Variants in ARID3B observed in about 807,000 individuals in gnomAD.
ARID3B encodes the protein AT-rich interaction domain 3B, also known as AT-rich interactive domain-containing protein 3B.
Under a neutral mutation model 51.9 loss-of-function variants are expected in ARID3B, and 10 were observed. The observed-to-expected ratio is 0.19, with a 90% CI of 0.12 to 0.33. The LOEUF (loss-of-function observed/expected upper bound fraction) is 0.33. ARID3B is among the 10% of genes least tolerant of loss of function. ARID3B has a pLI of 1.00. For missense variants in ARID3B, 483 were observed against 716.3 expected, an observed-to-expected ratio of 0.67 and a Z score of 3.72; for synonymous variants, 205 against 279.5, an observed-to-expected ratio of 0.73 and a Z score of 2.66.
intron 2 of ARID3B, among the ~76,000 whole-genome samples, chr15:74,572,427 A>T (rs1385682834): frequency 6.6e-6 from 1 of 152,170 alleles, no homozygotes; most frequent in Non-Finnish European, 1.5e-5. Context: ...TTTGACCCTT[A>T]TCACTTACAG....
rs1323949481 is a variant in ARID3B, at chr15:74,595,638, T to C, written c.1547T>C (p.Val516Ala). 1 of 1,613,116 alleles carries C rather than the reference T, an allele frequency of 6.2e-7. No homozygotes were observed. The highest frequency in any genetic ancestry group is 8.5e-7 in the Non-Finnish European group (1 of 1,179,446). ...GTGCTGTTTGCCCAGAAGCCTGTGG[T>C]CCACCTCATCACGGGGTCTGCTCCC... is the stretch of plus-strand genomic sequence containing the variant. ...AGVLFAQKPV[V>A]HLITGSAPQS... The change falls in exon 9 of 9, where the codon GTC (valine) becomes GCC (alanine). Residue 516 changes from valine to alanine, a missense_variant. Physicochemically the swap from Val to Ala is moderately conservative, Grantham distance 64. Coordinates refer to ENST00000346246, the MANE Select transcript of ARID3B (RefSeq NM_006465.4).
intron 4 of ARID3B, chr15:74,573,446 T>C (rs1264933775): frequency 7.3e-6 from 4 of 547,690 alleles, no homozygotes; most frequent in Non-Finnish European, 1.3e-5. Context: ...ATTTTGTCTC[T>C]TCTTCCAATT....
intron 2 of ARID3B, among the ~76,000 whole-genome samples, chr15:74,566,993 T>C (rs1325453086): frequency 6.6e-6 from 1 of 152,150 alleles, no homozygotes; most frequent in Non-Finnish European, 1.5e-5. Flanking sequence ...TAGGTGTCTA[T>C]GTACATTTGT....
At chr15:74,560,031 T>TAAAAAAAAGAAAAAAAAAAAAAA (rs2061673571) in intron 2 of ARID3B, among the ~76,000 whole-genome samples, 1 of 35,640 alleles carries the variant, frequency 2.8e-5, no homozygotes, top group Non-Finnish European at 4.5e-5. Context: ...CTGTCTCTAC[T>TAAAAAAAAGAAAAAAAAAAAAAA]AAAAAAAAAA....
intron 2 of ARID3B, among the ~76,000 whole-genome samples, chr15:74,552,472 G>A (rs2061641756): frequency 1.3e-5 from 2 of 149,500 alleles, no homozygotes; most frequent in Middle Eastern, 3.2e-3. Flanking sequence ...TGGGATTACA[G>A]GCATGAGCCA....
chr15:74,593,340 A>T (rs2061811116), intron 8 of ARID3B, 104 bp downstream of exon 8: 1 of 1,021,938 alleles, frequency 9.8e-7, no homozygotes, highest in African/African-American at 1.6e-5. Flanking sequence ...CACCTCCCAC[A>T]GTGGCTTCCT....
chr15:74,555,916 C>T (rs996032668), intron 2 of ARID3B, among the ~76,000 whole-genome samples: 2 of 151,536 alleles, frequency 1.3e-5, no homozygotes, highest in African/African-American at 2.4e-5. Context: ...CTCAGCCTCC[C>T]GAGTAGCTGA....
chr15:74,588,979 A>G (rs1303216635), intron 4 of ARID3B, among the ~76,000 whole-genome samples: 1 of 150,916 alleles, frequency 6.6e-6, no homozygotes, highest in Non-Finnish European at 1.5e-5. Context: ...TTTCTCCATC[A>G]AGCAGGAGAG....
At chr15:74,555,189 G>A (rs1742692057) in intron 2 of ARID3B, among the ~76,000 whole-genome samples, 2 of 151,976 alleles carry the variant, frequency 1.3e-5, no homozygotes, top group African/African-American at 4.8e-5. Flanking sequence ...AGCCTTCAGC[G>A]AGTTGTAATC....
chr15:74,558,593 C>T (rs1013357742), intron 2 of ARID3B, among the ~76,000 whole-genome samples: 4 of 151,856 alleles, frequency 2.6e-5, no homozygotes, highest in Non-Finnish European at 5.9e-5. Flanking sequence ...CATCTGTGTT[C>T]TTTAATCAGC....
chr15:74,590,134 C>T (rs2043631056), intron 5 of ARID3B, 131 bp downstream of exon 5: 2 of 1,107,514 alleles, frequency 1.8e-6, no homozygotes, highest in Non-Finnish European at 1.2e-6. Flanking sequence ...CAGTGGGGAG[C>T]TTTCTGAGAT....
rs2061724084 is a variant in ARID3B at position 74,572,892 on chromosome 15, G to C, written c.583G>C (p.Asp195His). The C allele has an allele frequency of 6.2e-7, 1 of 1,614,100 alleles. No individual in the cohort carries two copies. The highest frequency in any genetic ancestry group is 8.5e-7 in the Non-Finnish European group (1 of 1,180,062). The change falls in exon 3 of 9, where the codon GAT (aspartate) becomes CAT (histidine). Residue 195 changes from aspartate (D) to histidine (H), a missense_variant. Physicochemically the swap from Asp to His is moderately conservative, Grantham distance 81 (BLOSUM62 -1). Transcript: ENST00000346246. ...TGGTTTGGCCTGGAGTGATGATGCA[G>C]ATGGAGGCCGGGGAAGAGAGATCTC... is the stretch of plus-strand genomic sequence containing the variant. ...NGGLAWSDDA[D>H]GGRGREISRD...
chr15:74,549,857 G>A (rs949650092), intron 2 of ARID3B, among the ~76,000 whole-genome samples: 5 of 152,272 alleles, frequency 3.3e-5, no homozygotes, highest in Non-Finnish European at 4.4e-5. Context: ...TGCTATGGGC[G>A]TCTAGTGGGT....
chr15:74,576,961 T>C (rs2061740388), intron 4 of ARID3B, among the ~76,000 whole-genome samples: 2 of 152,222 alleles, frequency 1.3e-5, no homozygotes, highest in South Asian at 4.1e-4. Flanking sequence ...CATGAGACTC[T>C]GAAGAGCCAT....
chr15:74,582,204 G>C (rs1209035585), intron 4 of ARID3B, among the ~76,000 whole-genome samples: 2 of 149,682 alleles, frequency 1.3e-5, no homozygotes, highest in Non-Finnish European at 3.0e-5. Flanking sequence ...GTCTCACTCT[G>C]TCGCCCAGGC....
intron 2 of ARID3B, among the ~76,000 whole-genome samples, chr15:74,550,334 G>A (rs1596250262): frequency 6.6e-6 from 1 of 152,222 alleles, no homozygotes; most frequent in South Asian, 2.1e-4. Context: ...TGGCAGACTT[G>A]TTACCTAGTA....
chr15:74,591,723 G>C lies in ARID3B; in HGVS notation c.1329G>C (p.Glu443Asp), dbSNP rs778862790. ...PAEKKASRLS[E>D]EEQRLVQQAF... ...AGAAGAAGGCATCGAGGCTGTCTGA[G>C]GAGGAGCAGCGCCTGGTGCAGCAGG... The change falls in exon 7 of 9, where the codon GAG becomes GAC. Residue 443 changes from glutamate (E) to aspartate (D), a missense_variant. Physicochemically the swap from Glu to Asp is conservative, Grantham distance 45. This residue lies in a region of ARID3B where 265 missense variants were observed against 354.4 expected (regional missense o/e 0.75). Transcript: ENST00000346246. The surrounding 1 kb of genome is among the most constrained non-coding windows in gnomAD (Gnocchi z 5.8). The C allele has an allele frequency of 3.0e-5, 48 of 1,614,050 alleles. No homozygotes were observed. The East Asian group carries it at 5.8e-4, about 19-fold the overall frequency.
At chr15:74,555,424 G>A (rs2061653994) in intron 2 of ARID3B, among the ~76,000 whole-genome samples, 1 of 152,010 alleles carries the variant, frequency 6.6e-6, no homozygotes, top group Non-Finnish European at 1.5e-5. Flanking sequence ...CGACCTGTTG[G>A]GCTCATGTGA....
chr15:74,570,152 C>A (rs760143319), intron 2 of ARID3B, among the ~76,000 whole-genome samples: 5 of 152,094 alleles, frequency 3.3e-5, no homozygotes, highest in Non-Finnish European at 7.4e-5. Flanking sequence ...CTGTGCAAGG[C>A]CTCACCATCT....
Sources: gnomAD v4.1 joint callset for allele counts (sites outside exome capture counted in the v4.1 genomes callset) on GRCh38, gnomAD v4.1.1 for gene constraint, gnomAD v4.1.1 regional missense constraint, Gnocchi (gnomAD v3.1) non-coding constraint, MANE v1.5 for transcripts, NCBI Gene and HGNC (gene_info 2026-07-23, HGNC 2026-07-21) for gene names.